Variants in ATP2B4 observed in about 807,000 individuals in gnomAD.
The protein encoded by ATP2B4 is plasma membrane calcium-transporting ATPase 4.
A neutral mutation model predicts 110.3 loss-of-function variants in ATP2B4; 39 were observed. The observed-to-expected ratio is 0.35, with a 90% confidence interval of 0.27 to 0.46. ATP2B4 has a LOEUF of 0.46. Among genes scored for constraint, ATP2B4 ranks in the 20% least tolerant of loss-of-function variants. The probability of loss-of-function intolerance (pLI) is 1.00; values close to 1 mark genes in which losing one functional copy is unlikely to be tolerated. For missense variants in ATP2B4, 1,135 were observed against 1,530.9 expected (o/e 0.74, Z 4.32); for synonymous variants, 538 against 571.7 (o/e 0.94, Z 0.84).
intron 2 of ATP2B4, among the ~76,000 whole-genome samples, chr1:203,692,793 G>T (rs1423503512): frequency 6.6e-6 from 1 of 152,132 alleles, no homozygotes; most frequent in Non-Finnish European, 1.5e-5. Context: ...CCAGGCCCTA[G>T]GTCCTGCACA....
chr1:203,685,556 GAGAA>G (rs1665154589), intron 2 of ATP2B4, among the ~76,000 whole-genome samples: 3 of 152,212 alleles, frequency 2.0e-5, no homozygotes, highest in Admixed American at 6.5e-5. Flanking sequence ...GATGAAAAAA[GAGAA>G]AGAGAGTTTT....
chr1:203,639,638 C>T (rs972374498), intron 1 of ATP2B4, among the ~76,000 whole-genome samples: 3 of 152,192 alleles, frequency 2.0e-5, no homozygotes, highest in African/African-American at 7.2e-5. Context: ...TGGTAAAGGG[C>T]TTGCGCTTGT....
intron 1 of ATP2B4, among the ~76,000 whole-genome samples, chr1:203,674,436 T>C (rs993958784): frequency 1.4e-4 from 21 of 152,044 alleles, no homozygotes; most frequent in Non-Finnish European, 2.8e-4. Flanking sequence ...AGAGGTTGGC[T>C]TTCCCAAGGC....
At chr1:203,694,268 C>T (rs1665468527) in intron 2 of ATP2B4, among the ~76,000 whole-genome samples, 1 of 152,208 alleles carries the variant, frequency 6.6e-6, no homozygotes, top group Admixed American at 6.5e-5. Flanking sequence ...GATAAAAATC[C>T]TGCCCTTGTG....
chr1:203,729,618 G>T lies in ATP2B4; in HGVS notation c.3309+2047G>T, dbSNP rs568068257. The T allele has an allele frequency of 2.1e-4, 160 of 763,450 alleles. 2 individuals are homozygous for T. Among genetic ancestry groups the T allele is most frequent in the South Asian group, 1.8e-3 (135 of 74,954 alleles). 47.3% of individuals were successfully genotyped at this position (763,450 alleles called of 1,614,324 possible). ...TGCACCTGACTGTACTTCCAGGCAG[G>T]TGCTTTTTCTGTCTGCCAGAGAAAC... is the stretch of plus-strand genomic sequence containing the variant. On this transcript the variant is annotated intron_variant, in intron 20 of 20. Coordinates refer to ENST00000357681, the MANE Select transcript of ATP2B4 (RefSeq NM_001684.5).
At chr1:203,698,462 C>A in intron 3 of ATP2B4, 108 bp downstream of exon 3, 2 of 1,228,828 alleles carry the variant, frequency 1.6e-6, no homozygotes, top group East Asian at 2.4e-5. Context: ...AACATTTCCC[C>A]CATTATCCAG....
chr1:203,708,113 T>C lies in ATP2B4; in HGVS notation c.1557+9T>C. The C allele has an allele frequency of 3.1e-6, 5 of 1,614,090 alleles. No homozygotes were observed. The highest frequency in any genetic ancestry group is 2.7e-5 in the African/African-American group (2 of 75,050). ...ATACCTCCAAGATTCTGGTAAGCAT[T>C]TCCTTTGCGTAGACACTTAGAGTGG... On this transcript the variant is annotated intron_variant, in intron 10 of 20. Coordinates refer to ENST00000357681, the MANE Select transcript of ATP2B4 (RefSeq NM_001684.5).
Position 203,699,538 on chromosome 1 carries a change from T to C in ATP2B4, c.470T>C (p.Phe157Ser). 6.2e-7 allele frequency: 1 copy of C among 1,614,196 alleles called. No individual in the cohort carries two copies. Among genetic ancestry groups the C allele is most frequent in the East Asian group, 2.2e-5 (1 of 44,880 alleles). ...AGWIEGAAIL[F>S]SVIIVVLVTA... ...TGGATTGAGGGGGCAGCCATCCTTT[T>C]CTCAGTGATCATCGTGGTGTTAGTG... Residue 157 changes from phenylalanine to serine, a missense_variant, in exon 4 of 21, where the codon TTC becomes TCC. Phe to Ser is a radical substitution (Grantham distance 155). Around this residue, in one of 9 missense-constraint regions of ATP2B4, gnomAD observed 101 missense variants for 182.6 expected, o/e 0.55. Transcript: ENST00000357681.
chr1:203,686,676 C>CTTTTCTTTCTT (rs1665191056), intron 2 of ATP2B4, among the ~76,000 whole-genome samples: 9 of 52,322 alleles, frequency 1.7e-4, no homozygotes, highest in Non-Finnish European at 2.6e-4. Context: ...GTTTTTCTTT[C>CTTTTCTTTCTT]TTTTCTTTCT....
chr1:203,664,892 C>T (rs567446081), intron 1 of ATP2B4, among the ~76,000 whole-genome samples: 9 of 152,134 alleles, frequency 5.9e-5, no homozygotes, highest in Non-Finnish European at 1.0e-4. Context: ...AGTGCAGTGG[C>T]GCGATCTTGG....
rs1667008327 is a variant in ATP2B4, at chr1:203,742,137, G to A, written c.*2283G>A. The A allele has an allele frequency of 6.6e-6, 1 of 152,394 alleles. No individual in the cohort carries two copies. Among genetic ancestry groups the A allele is most frequent in the Admixed American group, 6.6e-5 (1 of 15,244 alleles). The allele number at this position is 152,394 out of a possible 1,614,324, so 9.4% of individuals were successfully genotyped here. On this transcript the variant is annotated 3_prime_UTR_variant, in exon 21 of 21. Transcript: ENST00000357681. Reference sequence around the variant, plus strand: ...TTTAGATCAGAAACTGATATTTTTGGGTCAGCCATATGTATTTTGTTTAAA... The same window carrying A: ...TTTAGATCAGAAACTGATATTTTTGAGTCAGCCATATGTATTTTGTTTAAA...
intron 2 of ATP2B4, among the ~76,000 whole-genome samples, chr1:203,691,664 C>T (rs569676580): frequency 1.3e-5 from 2 of 152,336 alleles, no homozygotes; most frequent in African/African-American, 2.4e-5. Context: ...ACTGCTTTAT[C>T]TCTAGGAGCT....
rs1002043019 is a variant in ATP2B4, at chr1:203,700,266, G to A, written c.710G>A (p.Ser237Asn). Residue 237 changes from serine (S) to asparagine (N), a missense_variant, in exon 5 of 21, where the codon AGC becomes AAC. Physicochemically the swap from Ser to Asn is conservative, Grantham distance 46. Around this residue, in one of 9 missense-constraint regions of ATP2B4, gnomAD observed 101 missense variants for 182.6 expected, o/e 0.55. Transcript: ENST00000357681. The stretch of plus-strand genomic sequence containing the variant: ...GGGAATGATCTGAAGATTGATGAGA[G>A]CTCTCTGACAGGGGAATCTGACCAT... ...IQGNDLKIDESSLTGESDHVK... is the reference protein window; with the variant it reads ...IQGNDLKIDENSLTGESDHVK... The A allele has an allele frequency of 6.2e-7, 1 of 1,613,888 alleles. No homozygotes were observed.
intron 17 of ATP2B4, 128 bp from the exon 18 acceptor site, chr1:203,722,350 A>T: frequency 1.4e-6 from 1 of 739,708 alleles, no homozygotes. Context: ...ATAAATAACT[A>T]GTGCAGCTCA....
Position 203,701,928 on chromosome 1 carries a change from C to T in ATP2B4, c.902-116C>T, listed in dbSNP as rs149418167. 1.2e-4 allele frequency: 129 copies of T among 1,035,322 alleles called. No individual in the cohort carries two copies. In the East Asian group the frequency reaches 2.0e-3, roughly 16 times the overall value. The allele number at this position is 1,035,322 out of a possible 1,614,324, so 64.1% of individuals were successfully genotyped here. A position where few individuals can be genotyped will look rare whatever the true frequency, so the allele number is the denominator to read the frequency against. ...CTTCCTTTACATTTATGTCCCTTCC[C>T]TGCAACCCAAACACTTTGCTGTTGT... On this transcript the variant is annotated intron_variant, in intron 6 of 20. Coordinates refer to ENST00000357681, the MANE Select transcript of ATP2B4 (RefSeq NM_001684.5).
chr1:203,662,186 A>C (rs1426747483), intron 1 of ATP2B4, among the ~76,000 whole-genome samples: 2 of 151,874 alleles, frequency 1.3e-5, no homozygotes, highest in Non-Finnish European at 2.9e-5. Context: ...ACCACGCCCG[A>C]CTAATTTCTT....
At chr1:203,732,219 C>T (rs1292605131) in intron 20 of ATP2B4, among the ~76,000 whole-genome samples, 1 of 151,816 alleles carries the variant, frequency 6.6e-6, no homozygotes, top group Non-Finnish European at 1.5e-5. Flanking sequence ...GCCTCTGTCT[C>T]TGAGGAACAG....
intron 1 of ATP2B4, among the ~76,000 whole-genome samples, chr1:203,653,713 C>G (rs191170411): frequency 9.4e-4 from 143 of 151,728 alleles, no homozygotes; most frequent in Non-Finnish European, 1.6e-3. Context: ...CCCGCCACCA[C>G]GCCCTGCTAA....
In ATP2B4 at chr1:203,722,695, A is replaced by C; in HGVS notation, c.3024+6A>C. 1 of 1,613,694 alleles carries C rather than the reference A, an allele frequency of 6.2e-7. No individual in the cohort carries two copies. Among genetic ancestry groups the C allele is most frequent in the Non-Finnish European group, 8.5e-7 (1 of 1,179,608 alleles). ...TGGGCACATTCATCTGCCAGGTGAG[A>C]TTCTATCTGCAGTTGGGGCAGGAGA... On this transcript the variant is annotated splice_donor_region_variant and intron_variant, in intron 18 of 20. Coordinates refer to ENST00000357681, the MANE Select transcript of ATP2B4 (RefSeq NM_001684.5).
Sources: gnomAD v4.1 joint callset for allele counts (sites outside exome capture counted in the v4.1 genomes callset) on GRCh38, gnomAD v4.1.1 for gene constraint, gnomAD v4.1.1 regional missense constraint, MANE v1.5 for transcripts, NCBI Gene and HGNC (gene_info 2026-07-23, HGNC 2026-07-21) for gene names.